UNC45B: variants seen among roughly 807,000 people sequenced by gnomAD.
UNC45B encodes the protein protein unc-45 homolog B.
Under a neutral mutation model 98.7 loss-of-function variants are expected in UNC45B, and 78 were observed. That is an observed-to-expected ratio of 0.79 (90% CI 0.66 to 0.95). The LOEUF is 0.95. Ranked by LOEUF, UNC45B falls within the 40% of genes least tolerant of loss-of-function variation. UNC45B has a pLI of 0.00. For synonymous variants in UNC45B, 462 were observed against 480.4 expected (o/e 0.96, Z 0.50); for missense variants, 1,225 against 1,184.9 (o/e 1.03, Z -0.50).
chr17:35,171,330 C>T lies in UNC45B; in HGVS notation c.1698C>T (p.Asp566=), dbSNP rs1384870956. Residue 566 remains aspartate, a synonymous_variant, in exon 13 of 20, where the codon GAC becomes GAT. Coordinates refer to ENST00000394570, the MANE Select transcript of UNC45B (RefSeq NM_001267052.2). ...QAMFELAKTS[D]KTILYSVATT... ...AACCCTGTGCCTTCCAGACCAGTGA[C>T]AAGACCATCCTGTACTCGGTGGCCA... 4.3e-6 allele frequency: 7 copies of T among 1,613,858 alleles called. No homozygotes were observed. The African/African-American group carries it at 6.7e-5, about 15-fold the overall frequency.
intron 18 of UNC45B, 75 bp downstream of exon 18, chr17:35,180,751 T>G (rs1271341969): frequency 8.8e-7 from 1 of 1,132,312 alleles, no homozygotes; most frequent in Non-Finnish European, 1.3e-6. Flanking sequence ...GGGCCTGGGG[T>G]GAGATCGGGA....
rs1427651942 is a variant in UNC45B, at chr17:35,188,705, T to G, written c.*2146T>G. 1 of 152,168 alleles carries G rather than the reference T, an allele frequency of 6.6e-6. No individual in the cohort carries two copies. Among genetic ancestry groups the G allele is most frequent in the African/African-American group, 2.4e-5 (1 of 41,422 alleles). 9.4% of individuals were successfully genotyped at this position (152,168 alleles called of 1,614,324 possible). On this transcript the variant is annotated 3_prime_UTR_variant, in exon 20 of 20. Transcript: ENST00000394570. ...TTGCCCAGTCTGGGAGACCACATTC[T>G]TTAACATGAATATTTTGTAAATAGT...
At chr17:35,166,113 T>TAAAAAAA (rs1435189350) in intron 9 of UNC45B, among the ~76,000 whole-genome samples, 67 of 88,834 alleles carry the variant, frequency 7.5e-4, no homozygotes, top group Middle Eastern at 5.6e-3. Context: ...AAAAAAAAAT[T>TAAAAAAA]AAAAATGAGT....
chr17:35,178,445 T>G (rs1397744973), intron 17 of UNC45B, among the ~76,000 whole-genome samples: 34 of 152,160 alleles, frequency 2.2e-4, no homozygotes, highest in African/African-American at 5.3e-4. Flanking sequence ...TTAGCCCTTT[T>G]TCAGATGGGT....
chr17:35,152,296 G>T (rs1567753866), intron 4 of UNC45B, among the ~76,000 whole-genome samples: 1 of 152,092 alleles, frequency 6.6e-6, no homozygotes, highest in Non-Finnish European at 1.5e-5. Flanking sequence ...GGTGGGAGTA[G>T]TGTGGACCCC....
At chr17:35,168,038 A>G (rs1374843654) in intron 9 of UNC45B, 23 bp from the exon 10 acceptor site, 3 of 1,432,648 alleles carry the variant, frequency 2.1e-6, no homozygotes, top group Non-Finnish European at 2.8e-6. Flanking sequence ...AGTTCTCTTG[A>G]CCACCCTTGT....
At position 35,175,953 on chromosome 17, in the gene UNC45B, T is replaced by C. The variant is rs763168608; in HGVS notation, c.1959-15T>C. 3.1e-6 allele frequency: 5 copies of C among 1,613,214 alleles called. No individual in the cohort carries two copies. The highest frequency in any genetic ancestry group is 4.2e-6 in the Non-Finnish European group (5 of 1,179,464). On this transcript the variant is annotated splice_polypyrimidine_tract_variant and intron_variant, in intron 14 of 19. Coordinates refer to ENST00000394570, the MANE Select transcript of UNC45B (RefSeq NM_001267052.2). Reference sequence around the variant, plus strand: ...CTGGTGTATTAACTGTTCTCCTTTCTTCTCGGTCCCACAGGGTATTCCTGG... The same window carrying C: ...CTGGTGTATTAACTGTTCTCCTTTCCTCTCGGTCCCACAGGGTATTCCTGG...
At chr17:35,152,821 A>G in intron 4 of UNC45B, 72 bp from the exon 5 acceptor site, 2 of 1,141,704 alleles carry the variant, frequency 1.8e-6, no homozygotes, top group Non-Finnish European at 2.7e-6. Flanking sequence ...ATTTACTGAG[A>G]TGAACTGAAT....
chr17:35,182,557 A>G (rs939230209), intron 18 of UNC45B, among the ~76,000 whole-genome samples: 4 of 152,096 alleles, frequency 2.6e-5, no homozygotes, highest in African/African-American at 9.7e-5. Context: ...TGTTCCATCT[A>G]TGAGAACTAG....
chr17:35,156,689 G>T lies in UNC45B; in HGVS notation c.808+1225G>T, dbSNP rs9911698. Among the ~76,000 whole-genome samples, 790 of 152,100 alleles carry T rather than the reference G, an allele frequency of 5.2e-3. 9 individuals carry two copies. The highest frequency in any genetic ancestry group is 0.018 in the African/African-American group (747 of 41,468). On this transcript the variant is annotated intron_variant, in intron 7 of 19. Transcript: ENST00000394570. ...TTACCACAGCTTAAAAAAAGTAACA[G>T]AGGCTTATTGAAGACATTTGGGAAA...
intron 6 of UNC45B, 136 bp from the exon 7 acceptor site, chr17:35,155,160 T>A (rs1363700176): frequency 2.5e-5 from 26 of 1,050,242 alleles, no homozygotes; most frequent in Non-Finnish European, 3.3e-5. Flanking sequence ...GAGGGGCCCA[T>A]GAGGCAATGG....
rs757726283 is a variant in UNC45B, at chr17:35,174,335, A to G, written c.1924A>G (p.Ile642Val). Reference protein sequence around the residue: ...LACMVKADSAILTDQTKELLA... With the variant: ...LACMVKADSAVLTDQTKELLA... ...TTGCATGGTGAAAGCAGATAGTGCC[A>G]TCCTCACTGACCAGACCAAGGAGCT... The change falls in exon 14 of 20, where the codon ATC (isoleucine) becomes GTC (valine). Residue 642 changes from isoleucine (I) to valine (V), a missense_variant. Ile to Val is a conservative substitution (Grantham distance 29). Transcript: ENST00000394570. 5.0e-6 allele frequency: 8 copies of G among 1,614,186 alleles called. No homozygotes were observed. Among genetic ancestry groups the G allele is most frequent in the Non-Finnish European group, 5.9e-6 (7 of 1,180,026 alleles).
intron 2 of UNC45B, 21 bp downstream of exon 2, chr17:35,148,452 C>T: frequency 6.8e-6 from 11 of 1,611,466 alleles, no homozygotes; most frequent in Non-Finnish European, 8.5e-6. Flanking sequence ...GGGCAGGGCA[C>T]AGGGTGGGAG....
Position 35,169,821 on chromosome 17 carries a change from C to T in UNC45B, c.1453-16C>T. ...CTCTGATCCTGCATGTGTCTGCTGT[C>T]TCCTCTCCTCCTCAGGGACTCTGTA... On this transcript the variant is annotated splice_polypyrimidine_tract_variant and intron_variant, in intron 10 of 19. Coordinates refer to ENST00000394570, the MANE Select transcript of UNC45B (RefSeq NM_001267052.2). The T allele has an allele frequency of 6.2e-7, 1 of 1,612,532 alleles. No individual in the cohort carries two copies.
intron 17 of UNC45B, among the ~76,000 whole-genome samples, chr17:35,179,162 T>G (rs2092256491): frequency 6.6e-6 from 1 of 152,250 alleles, no homozygotes; most frequent in Non-Finnish European, 1.5e-5. Flanking sequence ...GCCATTTTCA[T>G]GATATTGATT....
intron 4 of UNC45B, 134 bp from the exon 5 acceptor site, chr17:35,152,758 CG>C (rs2092029415): frequency 2.7e-6 from 2 of 743,116 alleles, no homozygotes; most frequent in Non-Finnish European, 4.9e-6. Context: ...AAATGTTTGT[CG>C]AATGAATACA....
Position 35,169,254 on chromosome 17 carries a change from G to A in UNC45B, c.1453-583G>A, listed in dbSNP as rs529206788. Among the ~76,000 whole-genome samples, 26 of 152,168 alleles carry A rather than the reference G, an allele frequency of 1.7e-4. No homozygotes were observed. The South Asian group carries it at 5.4e-3, about 32-fold the overall frequency. On this transcript the variant is annotated intron_variant, in intron 10 of 19. Coordinates refer to ENST00000394570, the MANE Select transcript of UNC45B (RefSeq NM_001267052.2). ...GGGGTTTTACCACGTTGGCCAGGCT[G>A]GTCTCAAACTCCTGGCCTAACTGAT...
chr17:35,149,562 G>A (rs763778533), intron 3 of UNC45B, among the ~76,000 whole-genome samples: 9 of 152,118 alleles, frequency 5.9e-5, no homozygotes, highest in South Asian at 2.1e-4. Context: ...GATTATAGGC[G>A]TCTGCCACCA....
At chr17:35,181,396 C>T (rs2092272671) in intron 18 of UNC45B, among the ~76,000 whole-genome samples, 1 of 152,188 alleles carries the variant, frequency 6.6e-6, no homozygotes, top group Non-Finnish European at 1.5e-5. Flanking sequence ...AATGTCCCTC[C>T]TGGGCCCTCA....
Sources: allele counts gnomAD v4.1 joint callset (sites outside exome capture counted in the v4.1 genomes callset), GRCh38; gene constraint gnomAD v4.1.1; transcripts MANE v1.5; gene names NCBI Gene and HGNC (gene_info 2026-07-23, HGNC 2026-07-21).